Variants in NXPE4 observed in about 807,000 individuals in gnomAD.
NXPE4 encodes the protein NXPE family member 4.
Under a neutral mutation model 33.3 loss-of-function variants are expected in NXPE4, and 42 were observed. The observed-to-expected ratio is 1.26, with a 90% CI of 0.98 to 1.63. The LOEUF (loss-of-function observed/expected upper bound fraction) is 1.63. Among genes scored for constraint, NXPE4 ranks in the 40% most tolerant of loss-of-function variants. The probability of loss-of-function intolerance (pLI) is 0.00; values close to 1 mark genes in which losing one functional copy is unlikely to be tolerated. For synonymous variants in NXPE4, 253 were observed against 234.9 expected, an observed-to-expected ratio of 1.08 and a Z score of -0.71; for missense variants, 709 against 647.6, an observed-to-expected ratio of 1.09 and a Z score of -1.03.
Position 114,582,420 on chromosome 11 carries a change from A to T in NXPE4, c.698T>A (p.Leu233Gln). ...GAAGCCTTCTTGGTCTCTGTTGTCC[A>T]GGTACTGGCACAATTCAGCATTTGT... ...LNTNAELCQY[L>Q]DNRDQEGFYC... Residue 233 changes from leucine to glutamine, a missense_variant, in exon 3 of 6, where the codon CTG becomes CAG. Coordinates refer to ENST00000375478, the MANE Select transcript of NXPE4 (RefSeq NM_001077639.2). 6.2e-7 allele frequency: 1 copy of T among 1,614,202 alleles called. No homozygotes were observed. Among genetic ancestry groups the T allele is most frequent in the Non-Finnish European group, 8.5e-7 (1 of 1,180,006 alleles).
the NXPE4 span, among the ~76,000 whole-genome samples, chr11:114,639,106 G>C: frequency 1.3e-5 from 2 of 152,172 alleles, no homozygotes; most frequent in African/African-American, 4.8e-5. Context: ...TCCTTGAGCT[G>C]TGGTGGGCTC....
chr11:114,594,560 C>T (rs562375176), intron 2 of NXPE4, 104 bp downstream of exon 2: 1 of 738,842 alleles, frequency 1.4e-6, no homozygotes, highest in South Asian at 1.5e-5. Context: ...ATTCAAACTC[C>T]CCTCCTATAA....
intron 2 of NXPE4, among the ~76,000 whole-genome samples, chr11:114,585,173 C>G (rs980169017): frequency 4.6e-5 from 7 of 151,720 alleles, no homozygotes; most frequent in Admixed American, 2.6e-4. Flanking sequence ...ACACTGCCTG[C>G]CATCTGTCTT....
the NXPE4 span, among the ~76,000 whole-genome samples, chr11:114,636,872 T>C: frequency 5.9e-5 from 9 of 152,118 alleles, no homozygotes; most frequent in African/African-American, 2.2e-4. Context: ...TGAGGAGAGG[T>C]TTATTTCCAA....
At position 114,580,221 on chromosome 11, in the gene NXPE4, A is replaced by G. The variant is rs1295237436; in HGVS notation, c.1010T>C (p.Met337Thr). 2 of 1,614,016 alleles carry G rather than the reference A, an allele frequency of 1.2e-6. No individual in the cohort carries two copies. The highest frequency in any genetic ancestry group is 1.3e-5 in the African/African-American group (1 of 75,038). The change falls in exon 5 of 6, where the codon ATG becomes ACG. Residue 337 changes from methionine to threonine, a missense_variant. Physicochemically the swap from Met to Thr is moderately conservative, Grantham distance 81. Transcript: ENST00000375478. ...PVSCSLATVK[M>T]KECLRGKLIY... Reference sequence around the variant, plus strand: ...GAGTTTTCCTCTCAGGCATTCCTTCATTTTGACTGTAGCCAAACTACAGGA... The same window carrying G: ...GAGTTTTCCTCTCAGGCATTCCTTCGTTTTGACTGTAGCCAAACTACAGGA...
At chr11:114,626,574 A>C in the NXPE4 span, among the ~76,000 whole-genome samples, 1 of 152,204 alleles carries the variant, frequency 6.6e-6, no homozygotes, top group African/African-American at 2.4e-5. Flanking sequence ...GATGGGGAAA[A>C]AACAGAGCAG....
At chr11:114,613,918 C>G in the NXPE4 span, among the ~76,000 whole-genome samples, 1 of 152,036 alleles carries the variant, frequency 6.6e-6, no homozygotes, top group Non-Finnish European at 1.5e-5. Context: ...CCACTGTTAC[C>G]CAGTGGATAA....
the NXPE4 span, among the ~76,000 whole-genome samples, chr11:114,644,993 T>A: frequency 6.6e-6 from 1 of 151,618 alleles, no homozygotes; most frequent in African/African-American, 2.4e-5. Context: ...TAATAAATGA[T>A]TATTCACACT....
chr11:114,613,443 T>C, the NXPE4 span, among the ~76,000 whole-genome samples: 4 of 150,598 alleles, frequency 2.7e-5, no homozygotes, highest in African/African-American at 9.8e-5. Context: ...TTGCCTCTTG[T>C]GTAACCACTG....
chr11:114,629,428 TA>T, the NXPE4 span, among the ~76,000 whole-genome samples: 4 of 151,364 alleles, frequency 2.6e-5, no homozygotes, highest in Non-Finnish European at 4.4e-5. Context: ...ACCACATGAT[TA>T]TCTCAATAGA....
the NXPE4 span, among the ~76,000 whole-genome samples, chr11:114,657,741 GA>G: frequency 6.6e-6 from 1 of 151,780 alleles, no homozygotes. Flanking sequence ...CTTGTACAAA[GA>G]AAAAAAGATA....
the NXPE4 span, among the ~76,000 whole-genome samples, chr11:114,634,868 CGTGTAGTATAG>C: frequency 6.6e-6 from 1 of 151,886 alleles, no homozygotes; most frequent in Non-Finnish European, 1.5e-5. Flanking sequence ...TTACTGTAGC[CGTGTAGTATAG>C]TTTGAAGTCA....
At chr11:114,597,203 A>G (rs2135311271), upstream of NXPE4, among the ~76,000 whole-genome samples, 1 of 152,350 alleles carries the variant, frequency 6.6e-6, no homozygotes, top group African/African-American at 2.4e-5. Context: ...TAATAAATCA[A>G]CAATGAAGAT....
At chr11:114,633,047 G>C in the NXPE4 span, among the ~76,000 whole-genome samples, 1 of 101,618 alleles carries the variant, frequency 9.8e-6, no homozygotes, top group Non-Finnish European at 1.8e-5. Context: ...TTATATAATT[G>C]CATTATTATT....
the NXPE4 span, among the ~76,000 whole-genome samples, chr11:114,620,803 CAGGGGAACCACT>C: frequency 3.3e-5 from 5 of 151,888 alleles, no homozygotes; most frequent in Non-Finnish European, 5.9e-5. Flanking sequence ...AGTGTTGCCT[CAGGGGAACCACT>C]GTTACCCTGT....
At chr11:114,631,527 G>A in the NXPE4 span, among the ~76,000 whole-genome samples, 3 of 115,710 alleles carry the variant, frequency 2.6e-5, no homozygotes, top group Admixed American at 1.1e-4. Flanking sequence ...CTGTTGTGGG[G>A]TGGGGGGAGG....
chr11:114,609,541 C>T, the NXPE4 span, among the ~76,000 whole-genome samples: 1 of 151,696 alleles, frequency 6.6e-6, no homozygotes, highest in Admixed American at 6.6e-5. Context: ...CACTGTTACC[C>T]AATGGATAAT....
intron 2 of NXPE4, chr11:114,584,503 A>T (rs546473488): frequency 5.5e-6 from 1 of 181,338 alleles, no homozygotes; most frequent in Non-Finnish European, 1.2e-5. Context: ...ATTACCTGTG[A>T]GGAAGAGTTC....
chr11:114,643,889 T>G, the NXPE4 span, among the ~76,000 whole-genome samples: 1 of 152,142 alleles, frequency 6.6e-6, no homozygotes, highest in South Asian at 2.1e-4. Context: ...TTCTTCCTAT[T>G]CATGAGCATG....
Sources: gnomAD v4.1 joint callset for allele counts (sites outside exome capture counted in the v4.1 genomes callset) on GRCh38, gnomAD v4.1.1 for gene constraint, MANE v1.5 for transcripts, NCBI Gene and HGNC (gene_info 2026-07-23, HGNC 2026-07-21) for gene names.